The following OR56A4 variants were observed in gnomAD, a reference collection of about 807,000 sequenced individuals.
OR56A4 encodes olfactory receptor family 56 subfamily A member 4.
In OR56A4, 9 loss-of-function variants were observed where a neutral mutation model predicts 13.6. The ratio of observed to expected loss-of-function variants is 0.66; its 90% CI spans 0.40 to 1.15. The LOEUF is 1.15. Ranked by LOEUF, OR56A4 falls within the 50% of genes most tolerant of loss-of-function variation. The pLI is 0.01. For synonymous variants in OR56A4, 167 were observed against 153.9 expected (o/e 1.08, Z -0.63); for missense variants, 380 against 375.9 (o/e 1.01, Z -0.09).
intron 2 of OR56A4, among the ~76,000 whole-genome samples, chr11:6,004,037 G>A (rs1251102586): frequency 6.6e-6 from 1 of 152,184 alleles, no homozygotes; most frequent in Non-Finnish European, 1.5e-5. Flanking sequence ...AAGGGTAACA[G>A]CAATGACTGT....
Position 6,002,230 on chromosome 11 carries a change from T to C in OR56A4, c.763A>G (p.Ser255Gly). 1 of 1,614,114 alleles carries C rather than the reference T, an allele frequency of 6.2e-7. No homozygotes were observed. Among genetic ancestry groups the C allele is most frequent in the Non-Finnish European group, 8.5e-7 (1 of 1,179,984 alleles). Residue 255 changes from serine to glycine, a missense_variant, in exon 3 of 3, where the codon AGC becomes GGC. Transcript: ENST00000641156. ...GSHFILILFF[S>G]TVLLVLVITN... ...ATGACCAGAACCAGCAGGACTGTGC[T>C]GAAGAAGAGGATGAGGATGAAGTGG... is the stretch of plus-strand genomic sequence containing the variant.
intron 2 of OR56A4, 186 bp from the exon 3 acceptor site, chr11:6,003,214 T>C: frequency 9.9e-7 from 1 of 1,015,066 alleles, no homozygotes; most frequent in South Asian, 1.8e-5. Flanking sequence ...CATTATCTCA[T>C]TTCATCCTTT....
rs750877245 is a variant in OR56A4 at position 6,002,148 on chromosome 11, A to G, written c.845T>C (p.Leu282Pro). 6.2e-7 allele frequency: 1 copy of G among 1,614,164 alleles called. No homozygotes were observed. The highest frequency in any genetic ancestry group is 8.5e-7 in the Non-Finnish European group (1 of 1,180,034). ...CAGAGCTGGGGGAATGAGGTGGTGCAGGATGTTGAGCAGGATGGGGACATC... is the reference window on the plus strand; with the variant it reads ...CAGAGCTGGGGGAATGAGGTGGTGCGGGATGTTGAGCAGGATGGGGACATC... ...PPDVPILLNI[L>P]HHLIPPALNP... The change falls in exon 3 of 3, where the codon CTG becomes CCG. Residue 282 changes from leucine to proline, a missense_variant. Transcript: ENST00000641156.
chr11:6,003,168 A>G (rs1848231685), intron 2 of OR56A4, 140 bp from the exon 3 acceptor site: 2 of 1,488,636 alleles, frequency 1.3e-6, no homozygotes, highest in African/African-American at 1.4e-5. Flanking sequence ...TATTTAACCA[A>G]GTATGTATCA....
intron 2 of OR56A4, among the ~76,000 whole-genome samples, chr11:6,003,559 CCACTCAGTCA>C (rs1848234873): frequency 6.6e-6 from 1 of 152,158 alleles, no homozygotes; most frequent in Non-Finnish European, 1.5e-5. Flanking sequence ...ACACACACAA[CCACTCAGTCA>C]CACTGGGACA....
Position 6,002,339 on chromosome 11 carries a change from A to G in OR56A4, c.654T>C (p.Val218=), listed in dbSNP as rs1168349769. The change falls in exon 3 of 3, where the codon GTT becomes GTC. Residue 218 remains valine (V), a synonymous_variant. Transcript: ENST00000641156. ...TLLGSDLILI[V]ISYSFILKVV... ...CTTTCAATATAAAAGAATAGGAGAT[A>G]ACAATAAGGATAAGATCAGAGCCCA... 6.2e-7 allele frequency: 1 copy of G among 1,614,180 alleles called. No homozygotes were observed. Among genetic ancestry groups the G allele is most frequent in the Admixed American group, 1.7e-5 (1 of 60,020 alleles).
Position 6,006,354 on chromosome 11 carries a change from G to A in OR56A4, c.-142C>T, listed in dbSNP as rs375077728. 3.5e-4 allele frequency: 54 copies of A among 152,252 alleles called. No homozygotes were observed. Among genetic ancestry groups the A allele is most frequent in the African/African-American group, 7.5e-4 (31 of 41,554 alleles). The allele number at this position is 152,252 out of a possible 1,614,324, so 9.4% of individuals were successfully genotyped here. A position where few individuals can be genotyped will look rare whatever the true frequency, so the allele number is the denominator to read the frequency against. On this transcript the variant is annotated 5_prime_UTR_variant, in exon 2 of 3. Coordinates refer to ENST00000641156, the MANE Select transcript of OR56A4 (RefSeq NM_001005179.4). ...AATGAAGAATTGTTGACCATCTGGG[G>A]CATTGTTTTCGATCTTCAGTATGCC... is the stretch of plus-strand genomic sequence containing the variant.
Position 5,999,512 on chromosome 11 carries a change from A to G in OR56A4, c.*2539T>C, listed in dbSNP as rs140973681. The G allele has an allele frequency of 6.6e-6, 1 of 152,340 alleles. No individual in the cohort carries two copies. Among genetic ancestry groups the G allele is most frequent in the East Asian group, 1.9e-4 (1 of 5,192 alleles). 9.4% of individuals were successfully genotyped at this position (152,340 alleles called of 1,614,324 possible). On this transcript the variant is annotated 3_prime_UTR_variant, in exon 3 of 3. Coordinates refer to ENST00000641156, the MANE Select transcript of OR56A4 (RefSeq NM_001005179.4). Reference sequence around the variant, plus strand: ...AAAGCGGAGTACACAAATTTAGCCAAATTATTTTATCTGAGAATAAAATTC... The same window carrying G: ...AAAGCGGAGTACACAAATTTAGCCAGATTATTTTATCTGAGAATAAAATTC...
chr11:6,003,121 A>G (rs369835055), intron 2 of OR56A4, 93 bp from the exon 3 acceptor site: 379 of 1,582,046 alleles, frequency 2.4e-4, no homozygotes, highest in Non-Finnish European at 3.0e-4. Context: ...ATCTGTCCCA[A>G]TAAAGTTTTT....
intron 2 of OR56A4, 177 bp from the exon 3 acceptor site, chr11:6,003,205 A>G: frequency 9.1e-7 from 1 of 1,092,940 alleles, no homozygotes; most frequent in Non-Finnish European, 1.3e-6. Context: ...TTTTATATTC[A>G]TTATCTCATT....
intron 2 of OR56A4, among the ~76,000 whole-genome samples, chr11:6,004,917 G>A (rs1394665596): frequency 6.6e-6 from 1 of 152,164 alleles, no homozygotes; most frequent in Non-Finnish European, 1.5e-5. Context: ...TCTTTTGAGA[G>A]CTTACCTAAT....
At position 6,002,765 on chromosome 11, in the gene OR56A4, G is replaced by C. The variant is rs891510289; in HGVS notation, c.228C>G (p.Leu76=). The change falls in exon 3 of 3, where the codon CTC becomes CTG. Residue 76 remains leucine, a synonymous_variant. Transcript: ENST00000641156. ...GGACCTTGGGGATGACGGTGAGGCA[G>C]AGCACGATGTCCAGCAGGGAGAGGA... is the stretch of plus-strand genomic sequence containing the variant. ...LSLLSLLDIV[L]CLTVIPKVLA... 7 of 1,613,922 alleles carry C rather than the reference G, an allele frequency of 4.3e-6. No individual in the cohort carries two copies. The highest frequency in any genetic ancestry group is 5.9e-6 in the Non-Finnish European group (7 of 1,179,982).
intron 2 of OR56A4, among the ~76,000 whole-genome samples, chr11:6,003,737 G>A (rs1041648699): frequency 6.6e-6 from 1 of 152,114 alleles, no homozygotes; most frequent in Non-Finnish European, 1.5e-5. Flanking sequence ...ATGACACAAC[G>A]TTGTGTGAAA....
At position 5,999,658 on chromosome 11, in the gene OR56A4, T is replaced by C. The variant is rs150136501; in HGVS notation, c.*2393A>G. 2.0e-5 allele frequency: 3 copies of C among 152,370 alleles called. No individual in the cohort carries two copies. In the East Asian group the frequency reaches 5.8e-4, roughly 29 times the overall value. 9.4% of individuals were successfully genotyped at this position (152,370 alleles called of 1,614,324 possible). A position where few individuals can be genotyped will look rare whatever the true frequency, so the allele number is the denominator to read the frequency against. ...GACATATAATAGTATAAGATTTTAT[T>C]GTTGTTTCCAAGTAGTTATTAAAGA... On this transcript the variant is annotated 3_prime_UTR_variant, in exon 3 of 3. Coordinates refer to ENST00000641156, the MANE Select transcript of OR56A4 (RefSeq NM_001005179.4).
At chr11:6,005,547 G>A (rs781239238) in intron 2 of OR56A4, among the ~76,000 whole-genome samples, 9 of 152,128 alleles carry the variant, frequency 5.9e-5, no homozygotes, top group Non-Finnish European at 1.2e-4. Context: ...GAAAAGGAAC[G>A]TGATATGCAA....
In OR56A4 at chr11:6,001,824, C is replaced by A; in HGVS notation, c.*227G>T. 1 of 455,270 alleles carries A rather than the reference C, an allele frequency of 2.2e-6. No individual in the cohort carries two copies. The allele number at this position is 455,270 out of a possible 1,614,324, so 28.2% of individuals were successfully genotyped here. A position where few individuals can be genotyped will look rare whatever the true frequency, so the allele number is the denominator to read the frequency against. ...GTTGCAGATTAGATCAGGAAAAATTCCAAAGTAACCATAGAATCCAGAAAA... is the reference window on the plus strand; with the variant it reads ...GTTGCAGATTAGATCAGGAAAAATTACAAAGTAACCATAGAATCCAGAAAA... On this transcript the variant is annotated 3_prime_UTR_variant, in exon 3 of 3. Transcript: ENST00000641156.
At chr11:6,006,763 T>G (rs1848262450) in intron 1 of OR56A4, among the ~76,000 whole-genome samples, 155 bp downstream of exon 1, 1 of 152,188 alleles carries the variant, frequency 6.6e-6, no homozygotes, top group Admixed American at 6.5e-5. Flanking sequence ...GTAATGCTTG[T>G]ACCAGAACCT....
chr11:6,004,743 A>G (rs1397984300), intron 2 of OR56A4, among the ~76,000 whole-genome samples: 1 of 152,188 alleles, frequency 6.6e-6, no homozygotes, highest in Non-Finnish European at 1.5e-5. Flanking sequence ...ATCAGATTGA[A>G]CTAATTCACC....
Position 6,002,453 on chromosome 11 carries a change from G to A in OR56A4, c.540C>T (p.Cys180=). 6.2e-7 allele frequency: 1 copy of A among 1,614,220 alleles called. No individual in the cohort carries two copies. Among genetic ancestry groups the A allele is most frequent in the Non-Finnish European group, 8.5e-7 (1 of 1,180,016 alleles). ...RYCAGNIIKN[C]ICSNLSVSKL... ...TGGACACAGACAGGTTACTGCAGAT[G>A]CAGTTCTTGATTATGTTTCCTGCAC... is the stretch of plus-strand genomic sequence containing the variant. Residue 180 remains cysteine (C), a synonymous_variant, in exon 3 of 3, where the codon TGC becomes TGT. Coordinates refer to ENST00000641156, the MANE Select transcript of OR56A4 (RefSeq NM_001005179.4).
Sources: gnomAD v4.1 joint callset for allele counts (sites outside exome capture counted in the v4.1 genomes callset) on GRCh38, gnomAD v4.1.1 for gene constraint, MANE v1.5 for transcripts, NCBI Gene and HGNC (gene_info 2026-07-23, HGNC 2026-07-21) for gene names.